Variants in SPG11 observed in about 807,000 individuals in gnomAD.
SPG11 encodes spatacsin.
In SPG11, 222 loss-of-function variants were observed where a neutral mutation model predicts 274.0. The ratio of observed to expected loss-of-function variants is 0.81; its 90% CI spans 0.73 to 0.91. SPG11 has a LOEUF of 0.91. Ranked by LOEUF, SPG11 falls within the 40% of genes least tolerant of loss-of-function variation. The pLI is 0.00. For synonymous variants in SPG11, 1,144 were observed against 1,039.7 expected, an observed-to-expected ratio of 1.10 and a Z score of -1.93; for missense variants, 3,114 against 2,872.7, an observed-to-expected ratio of 1.08 and a Z score of -1.92.
At chr15:44,653,167 T>G (rs1348670629) in intron 4 of SPG11, among the ~76,000 whole-genome samples, 4 of 152,062 alleles carry the variant, frequency 2.6e-5, no homozygotes, top group Admixed American at 2.0e-4. Flanking sequence ...TATTAAGAAT[T>G]TTAAACTTTT....
At chr15:44,566,452 G>T in intron 36 of SPG11, 147 bp from the exon 37 acceptor site, 1 of 780,854 alleles carries the variant, frequency 1.3e-6, no homozygotes, top group Non-Finnish European at 2.2e-6. Flanking sequence ...AAGGTTATTG[G>T]GCCAGAAATG....
At chr15:44,643,104 A>G (rs2084502079) in intron 7 of SPG11, among the ~76,000 whole-genome samples, 2 of 152,226 alleles carry the variant, frequency 1.3e-5, no homozygotes, top group African/African-American at 4.8e-5. Context: ...TTGTATATAC[A>G]ATGCAATACT....
At chr15:44,627,863 A>G (rs1364352059) in intron 10 of SPG11, among the ~76,000 whole-genome samples, 1 of 152,226 alleles carries the variant, frequency 6.6e-6, no homozygotes, top group Non-Finnish European at 1.5e-5. Context: ...TGCTGGGATT[A>G]CAGGCGTGAG....
chr15:44,618,041 A>C (rs2083634888), intron 15 of SPG11, among the ~76,000 whole-genome samples: 1 of 152,318 alleles, frequency 6.6e-6, no homozygotes, highest in South Asian at 2.1e-4. Context: ...AAAAAACAAA[A>C]AACAAAAAAA....
At position 44,583,939 on chromosome 15, in the gene SPG11, C is replaced by T. The variant is rs752725391; in HGVS notation, c.5741G>A (p.Cys1914Tyr). Residue 1914 changes from cysteine to tyrosine, a missense_variant, in exon 30 of 40, where the codon TGC becomes TAC. Cys to Tyr is a radical substitution (Grantham distance 194). Coordinates refer to ENST00000261866, the MANE Select transcript of SPG11 (RefSeq NM_025137.4). ...YNPDVALVLHCRALASGEASM... is the reference protein window; with the variant it reads ...YNPDVALVLHYRALASGEASM... ...AGCTTCCCCTGAGGCCAGTGCTCTG[C>T]AGTGCAATACCAAGGCGACATCTGG... The T allele has an allele frequency of 1.9e-6, 3 of 1,614,214 alleles. No individual in the cohort carries two copies. Among genetic ancestry groups the T allele is most frequent in the Non-Finnish European group, 2.5e-6 (3 of 1,180,046 alleles).
intron 14 of SPG11, 169 bp from the exon 15 acceptor site, chr15:44,620,572 C>T (rs573660551): frequency 1.3e-4 from 79 of 604,640 alleles, no homozygotes; most frequent in South Asian, 1.3e-3. Flanking sequence ...GACAGGATCT[C>T]GCTGTGTTGC....
At chr15:44,593,934 T>C (rs897275759) in intron 26 of SPG11, among the ~76,000 whole-genome samples, 3 of 150,890 alleles carry the variant, frequency 2.0e-5, no homozygotes, top group Non-Finnish European at 4.4e-5. Flanking sequence ...CTTTTCTTTT[T>C]TTTTTTTGTA....
intron 33 of SPG11, among the ~76,000 whole-genome samples, chr15:44,571,623 G>A (rs988341362): frequency 2.7e-5 from 4 of 148,682 alleles, no homozygotes; most frequent in Non-Finnish European, 4.4e-5. Context: ...TCAGCCTCCC[G>A]AGTAGCTGGG....
At chr15:44,604,486 A>G (rs1055220496) in intron 20 of SPG11, among the ~76,000 whole-genome samples, 1 of 152,208 alleles carries the variant, frequency 6.6e-6, no homozygotes, top group South Asian at 2.1e-4. Context: ...GAGACTGCGT[A>G]TAAGAGAAAA....
At chr15:44,571,458 A>T (rs529907842) in intron 33 of SPG11, among the ~76,000 whole-genome samples, 1 of 151,880 alleles carries the variant, frequency 6.6e-6, no homozygotes, top group Non-Finnish European at 1.5e-5. Flanking sequence ...CTGGACCGAG[A>T]AGAGATAGAG....
At position 44,571,194 on chromosome 15, in the gene SPG11, T is replaced by C. The variant is rs116075764; in HGVS notation, c.6344-536A>G. The stretch of plus-strand genomic sequence containing the variant: ...AGGACTGAAGAAGGTTCTCCATCCT[T>C]AAAACATGCTGTAGCCTCTGGGCTT... On this transcript the variant is annotated intron_variant, in intron 33 of 39. Transcript: ENST00000261866. Among the ~76,000 whole-genome samples the C allele has an allele frequency of 6.2e-3, 947 of 152,296 alleles. 10 individuals carry two copies. Among genetic ancestry groups the C allele is most frequent in the African/African-American group, 0.021 (874 of 41,552 alleles).
At chr15:44,592,064 T>C (rs531958716) in intron 27 of SPG11, among the ~76,000 whole-genome samples, 247 of 147,014 alleles carry the variant, frequency 1.7e-3, no homozygotes, top group Non-Finnish European at 2.4e-3. Flanking sequence ...TGAGCGGAGA[T>C]CATGCCACCG....
chr15:44,619,865 C>T (rs113643646), intron 15 of SPG11, among the ~76,000 whole-genome samples: 2,144 of 151,734 alleles, frequency 0.014, 47 homozygotes, highest in East Asian at 0.037. Flanking sequence ...TGGGAGTACC[C>T]GGCATTATGC....
At chr15:44,587,920 A>AT (rs1468153541) in intron 28 of SPG11, among the ~76,000 whole-genome samples, 1 of 152,170 alleles carries the variant, frequency 6.6e-6, no homozygotes, top group East Asian at 1.9e-4. Flanking sequence ...AGATCAATGA[A>AT]AACACCTATA....
In SPG11 at chr15:44,657,091, A is replaced by C. The variant is rs946090455; in HGVS notation, c.869+4T>G. 3 of 1,613,502 alleles carry C rather than the reference A, an allele frequency of 1.9e-6. No homozygotes were observed. The South Asian group carries it at 3.3e-5, about 18-fold the overall frequency. On this transcript the variant is annotated splice_donor_region_variant and intron_variant, in intron 4 of 39. Transcript: ENST00000261866. Reference sequence around the variant, plus strand: ...CAAATTAGAAACTGCAGTCATCTACATACCTGAAATACAAATTTAAGTTAA... The same window carrying C: ...CAAATTAGAAACTGCAGTCATCTACCTACCTGAAATACAAATTTAAGTTAA...
rs1444531163 is a variant in SPG11 at position 44,572,824 on chromosome 15, T to A, written c.6206-4A>T. The A allele has an allele frequency of 1.9e-6, 3 of 1,613,920 alleles. No homozygotes were observed. The highest frequency in any genetic ancestry group is 2.5e-6 in the Non-Finnish European group (3 of 1,179,896). On this transcript the variant is annotated splice_polypyrimidine_tract_variant and splice_region_variant and intron_variant, in intron 32 of 39. Transcript: ENST00000261866. ...GGGTTGAACATCTGCTTATGTCCTGTACAGAGAGGTGTGAAGACAGGTGCT... is the reference window on the plus strand; with the variant it reads ...GGGTTGAACATCTGCTTATGTCCTGAACAGAGAGGTGTGAAGACAGGTGCT...
Position 44,622,360 on chromosome 15 carries a change from G to A in SPG11, c.2317-13C>T. ...TTAAAATTTCAACCTTGAATAAAAA[G>A]TAATTAAAGCAGTGACTTTACAAAA... On this transcript the variant is annotated splice_polypyrimidine_tract_variant and intron_variant, in intron 12 of 39. Transcript: ENST00000261866. 3 of 1,528,562 alleles carry A rather than the reference G, an allele frequency of 2.0e-6. No homozygotes were observed. The highest frequency in any genetic ancestry group is 2.3e-5 in the East Asian group (1 of 44,096). 94.7% of individuals were successfully genotyped at this position (1,528,562 alleles called of 1,614,324 possible).
At chr15:44,577,593 T>G (rs1400373262) in intron 30 of SPG11, among the ~76,000 whole-genome samples, 1 of 152,086 alleles carries the variant, frequency 6.6e-6, no homozygotes, top group Admixed American at 6.6e-5. Flanking sequence ...TTCCCCTGCT[T>G]AAATCCTTCA....
Position 44,596,291 on chromosome 15 carries a change from T to C in SPG11, c.4226A>G (p.Asn1409Ser), listed in dbSNP as rs1216690683. 1 of 1,614,178 alleles carries C rather than the reference T, an allele frequency of 6.2e-7. No individual in the cohort carries two copies. The change falls in exon 25 of 40, where the codon AAC becomes AGC. Residue 1409 changes from asparagine (N) to serine (S), a missense_variant. By Grantham distance (46) the Asn-to-Ser change is conservative. Coordinates refer to ENST00000261866, the MANE Select transcript of SPG11 (RefSeq NM_025137.4). ...TTTGGAGGTGGGCACTGAGGGCAAGTTCTCAAAAGCCAGCCTTAAGTGGTC... is the reference window on the plus strand; with the variant it reads ...TTTGGAGGTGGGCACTGAGGGCAAGCTCTCAAAAGCCAGCCTTAAGTGGTC... ...IQDHLRLAFENLPSVPTSKMD... is the reference protein window; with the variant it reads ...IQDHLRLAFESLPSVPTSKMD...
Sources: allele counts gnomAD v4.1 joint callset (sites outside exome capture counted in the v4.1 genomes callset), GRCh38; gene constraint gnomAD v4.1.1; transcripts MANE v1.5; gene names NCBI Gene and HGNC (gene_info 2026-07-23, HGNC 2026-07-21).